The following FGD6 variants were observed in gnomAD, a reference collection of about 807,000 sequenced individuals.
FGD6 encodes FYVE, RhoGEF and PH domain-containing protein 6.
A neutral mutation model predicts 149.4 loss-of-function variants in FGD6; 90 were observed. The observed-to-expected ratio is 0.60, with a 90% CI of 0.51 to 0.72. The LOEUF (loss-of-function observed/expected upper bound fraction) is 0.72, where lower values mean the gene tolerates loss of function less well. Ranked by LOEUF, FGD6 falls within the 30% of genes least tolerant of loss-of-function variation. The probability of loss-of-function intolerance (pLI) is 0.00; values close to 1 mark genes in which losing one functional copy is unlikely to be tolerated. For synonymous variants in FGD6, 527 were observed against 584.0 expected, an observed-to-expected ratio of 0.90 and a Z score of 1.41; for missense variants, 1,437 against 1,684.8, an observed-to-expected ratio of 0.85 and a Z score of 2.57.
chr12:95,129,830 G>A (rs924762219), intron 8 of FGD6, among the ~76,000 whole-genome samples: 6 of 151,914 alleles, frequency 3.9e-5, no homozygotes, highest in East Asian at 3.9e-4. Context: ...ATGCTACCAC[G>A]CCCAGCTAAT....
chr12:95,134,662 C>G (rs1423240285), intron 8 of FGD6, 77 bp downstream of exon 8: 1 of 1,293,040 alleles, frequency 7.7e-7, no homozygotes, highest in Non-Finnish European at 1.1e-6. Flanking sequence ...GAGAGGCACC[C>G]GAGTTTCATA....
chr12:95,168,663 TA>T (rs35448456), intron 3 of FGD6, among the ~76,000 whole-genome samples: 5,810 of 143,554 alleles, frequency 0.04, 126 homozygotes, highest in Middle Eastern at 0.068. Flanking sequence ...AACTTCATCT[TA>T]AAAAAAAAAA....
chr12:95,166,753 A>C (rs1263382599), intron 3 of FGD6, among the ~76,000 whole-genome samples: 1 of 151,938 alleles, frequency 6.6e-6, no homozygotes, highest in Non-Finnish European at 1.5e-5. Context: ...ATTATCAGTC[A>C]TTCCTCATTC....
intron 9 of FGD6, among the ~76,000 whole-genome samples, chr12:95,110,361 AT>A (rs35972619): frequency 0.65 from 92,088 of 140,674 alleles, 29,701 homozygotes; most frequent in Middle Eastern, 0.73. Flanking sequence ...ATATATCAGA[AT>A]TTTTTTTTTT....
chr12:95,186,551 G>A (rs1881443605), intron 2 of FGD6, among the ~76,000 whole-genome samples: 1 of 147,886 alleles, frequency 6.8e-6, no homozygotes, highest in Admixed American at 6.8e-5. Flanking sequence ...AATATTTTGT[G>A]ACACATGAAA....
Position 95,094,689 on chromosome 12 carries a change from G to T in FGD6, c.3503C>A (p.Ala1168Asp), listed in dbSNP as rs769284588. Residue 1168 changes from alanine (A) to aspartate (D), a missense_variant, in exon 15 of 21, where the codon GCC becomes GAC. This residue lies in a region of FGD6 where 382 missense variants were observed against 538.7 expected (regional missense o/e 0.71). Coordinates refer to ENST00000343958, the MANE Select transcript of FGD6 (RefSeq NM_018351.4). Reference sequence around the variant, plus strand: ...TTCTAGCCATTCATCCCTTTCTGTGGCAGAACTGTTGGGGGCAAAAGGTTT... The same window carrying T: ...TTCTAGCCATTCATCCCTTTCTGTGTCAGAACTGTTGGGGGCAAAAGGTTT... ...ERSFILSASS[A>D]TERDEWLEAI... 1 of 1,612,124 alleles carries T rather than the reference G, an allele frequency of 6.2e-7. No homozygotes were observed. The highest frequency in any genetic ancestry group is 1.1e-5 in the South Asian group (1 of 90,860).
chr12:95,101,707 G>A (rs1169208196), intron 14 of FGD6, among the ~76,000 whole-genome samples: 1 of 98,020 alleles, frequency 1.0e-5, no homozygotes, highest in Non-Finnish European at 1.9e-5. Context: ...TTTTTGAGAT[G>A]GAGCCTCACT....
intron 8 of FGD6, among the ~76,000 whole-genome samples, chr12:95,119,264 G>A (rs981039033): frequency 6.6e-6 from 1 of 152,026 alleles, no homozygotes; most frequent in South Asian, 2.1e-4. Flanking sequence ...AAACTGTAAC[G>A]ATTCTCATTC....
intron 2 of FGD6, among the ~76,000 whole-genome samples, chr12:95,206,332 T>C (rs1269061314): frequency 6.6e-6 from 1 of 150,630 alleles, no homozygotes; most frequent in Non-Finnish European, 1.5e-5. Context: ...AAAAAAAGGA[T>C]AGTACCAATA....
rs1259323678 is a variant in FGD6 at position 95,123,510 on chromosome 12, A to C, written c.3083-9809T>G. 3.9e-5 allele frequency among the ~76,000 whole-genome samples: 6 copies of C among 152,210 alleles called. No individual in the cohort carries two copies. In the East Asian group the frequency reaches 1.2e-3, roughly 29 times the overall value. On this transcript the variant is annotated intron_variant, in intron 8 of 20. Coordinates refer to ENST00000343958, the MANE Select transcript of FGD6 (RefSeq NM_018351.4). Reference sequence around the variant, plus strand: ...AGGTCCCTTTTTAGTGGGAAAGTCTAGCTAGGCATATCCAGAATGTTCTAA... The same window carrying C: ...AGGTCCCTTTTTAGTGGGAAAGTCTCGCTAGGCATATCCAGAATGTTCTAA...
At chr12:95,127,841 T>A (rs1024564812) in intron 8 of FGD6, among the ~76,000 whole-genome samples, 2 of 152,196 alleles carry the variant, frequency 1.3e-5, no homozygotes, top group Non-Finnish European at 2.9e-5. Flanking sequence ...CAAAGGACTA[T>A]TTTTTTCTAA....
intron 8 of FGD6, chr12:95,125,709 T>C (rs779953239): frequency 2.2e-5 from 12 of 540,738 alleles, no homozygotes; most frequent in Non-Finnish European, 3.7e-5. Context: ...CAAAATACCT[T>C]TTTCACAACT....
At chr12:95,090,972 C>T (rs542485186) in intron 17 of FGD6, among the ~76,000 whole-genome samples, 4 of 152,198 alleles carry the variant, frequency 2.6e-5, no homozygotes, top group South Asian at 2.1e-4. Flanking sequence ...CGTGGTCACG[C>T]GTGCCCGTAA....
At chr12:95,110,040 G>A (rs1375166466) in intron 9 of FGD6, among the ~76,000 whole-genome samples, 1 of 151,608 alleles carries the variant, frequency 6.6e-6, no homozygotes, top group Non-Finnish European at 1.5e-5. Context: ...GCAGTGGCGC[G>A]ATCTTGGCTC....
chr12:95,217,448 T>G lies in FGD6; in HGVS notation c.-208A>C, dbSNP rs1209254501. On this transcript the variant is annotated 5_prime_UTR_variant, in exon 1 of 21. Coordinates refer to ENST00000343958, the MANE Select transcript of FGD6 (RefSeq NM_018351.4). ...CGCTCCCGGGCGCGAGCCGCCGGGGTCGGGCGGGCGAGCACTAGCACCGCC... is the reference window on the plus strand; with the variant it reads ...CGCTCCCGGGCGCGAGCCGCCGGGGGCGGGCGGGCGAGCACTAGCACCGCC... 56 of 732,998 alleles carry G rather than the reference T, an allele frequency of 7.6e-5. No individual in the cohort carries two copies. In the East Asian group the frequency reaches 1.9e-3, roughly 25 times the overall value. The allele number at this position is 732,998 out of a possible 1,614,324, so 45.4% of individuals were successfully genotyped here.
intron 14 of FGD6, among the ~76,000 whole-genome samples, chr12:95,101,977 C>T (rs1419929464): frequency 5.9e-5 from 9 of 151,716 alleles, no homozygotes; most frequent in Admixed American, 3.9e-4. Flanking sequence ...CACTTAGCAC[C>T]GGCCTTGTTC....
intron 2 of FGD6, among the ~76,000 whole-genome samples, chr12:95,199,571 T>C (rs1013214066): frequency 6.6e-5 from 10 of 151,832 alleles, no homozygotes; most frequent in African/African-American, 2.4e-4. Context: ...TGCATGTTTT[T>C]AGTGGAGCTA....
chr12:95,191,634 T>C (rs778026322), intron 2 of FGD6, among the ~76,000 whole-genome samples: 6 of 152,206 alleles, frequency 3.9e-5, no homozygotes, highest in Non-Finnish European at 5.9e-5. Context: ...CTGTGGGGGA[T>C]TGGTTTCAGG....
chr12:95,174,276 G>T (rs1220989528), intron 2 of FGD6, among the ~76,000 whole-genome samples: 1 of 152,208 alleles, frequency 6.6e-6, no homozygotes, highest in African/African-American at 2.4e-5. Context: ...GAGAGCAAAT[G>T]AGAGTTAACA....
Sources: allele counts gnomAD v4.1 joint callset (sites outside exome capture counted in the v4.1 genomes callset), GRCh38; gene constraint gnomAD v4.1.1; regional missense constraint gnomAD v4.1.1; transcripts MANE v1.5; gene names NCBI Gene and HGNC (gene_info 2026-07-23, HGNC 2026-07-21).